CTDSPL2: variants seen among roughly 807,000 people sequenced by gnomAD.
The protein encoded by CTDSPL2 is CTD small phosphatase-like protein 2.
CTDSPL2 carries 5 observed loss-of-function variants against 60.0 expected under a neutral mutation model. The observed-to-expected ratio is 0.08, with a 90% CI of 0.04 to 0.18. The LOEUF (loss-of-function observed/expected upper bound fraction) is 0.18, where lower values mean the gene tolerates loss of function less well. Among genes scored for constraint, CTDSPL2 ranks in the 10% least tolerant of loss-of-function variants. CTDSPL2 has a pLI of 1.00. For synonymous variants in CTDSPL2, 186 were observed against 189.3 expected, an observed-to-expected ratio of 0.98 and a Z score of 0.14; for missense variants, 370 against 548.8, an observed-to-expected ratio of 0.67 and a Z score of 3.26.
At chr15:44,484,793 G>A (rs1017420800) in intron 3 of CTDSPL2, among the ~76,000 whole-genome samples, 1 of 152,036 alleles carries the variant, frequency 6.6e-6, no homozygotes, top group Non-Finnish European at 1.5e-5. Flanking sequence ...TGTAATCTTT[G>A]TATTATTAGT....
In CTDSPL2 at chr15:44,528,958, T is replaced by C. The variant is rs2081907165; in HGVS notation, c.*4784T>C. ...ATAGCCGTGAACAAGTAATGTAGAT[T>C]TAGTTTTCTCATCTTCAAATGCCCT... On this transcript the variant is annotated 3_prime_UTR_variant, in exon 13 of 13. Coordinates refer to ENST00000260327, the MANE Select transcript of CTDSPL2 (RefSeq NM_016396.3). 1 of 152,212 alleles carries C rather than the reference T, an allele frequency of 6.6e-6. No homozygotes were observed. The highest frequency in any genetic ancestry group is 1.5e-5 in the Non-Finnish European group (1 of 68,028). The allele number at this position is 152,212 out of a possible 1,614,324, so 9.4% of individuals were successfully genotyped here.
At chr15:44,481,171 A>G (rs1051033074) in intron 2 of CTDSPL2, among the ~76,000 whole-genome samples, 4 of 152,220 alleles carry the variant, frequency 2.6e-5, no homozygotes, top group African/African-American at 7.2e-5. Flanking sequence ...CCCTGTCTCT[A>G]CTGGGGGGAA....
At chr15:44,501,070 AG>A (rs1169985568) in intron 8 of CTDSPL2, among the ~76,000 whole-genome samples, 2 of 152,258 alleles carry the variant, frequency 1.3e-5, no homozygotes, top group East Asian at 3.8e-4. Flanking sequence ...GTTCTTGTTT[AG>A]TGGACTTTAA....
chr15:44,483,233 A>G (rs2081060813), intron 2 of CTDSPL2, among the ~76,000 whole-genome samples: 1 of 149,378 alleles, frequency 6.7e-6, no homozygotes, highest in African/African-American at 2.5e-5. Context: ...ACTGCACTCT[A>G]GCCTGGGTGA....
At chr15:44,428,010 C>T in intron 1 of CTDSPL2, 1 of 259,552 alleles carries the variant, frequency 3.9e-6, no homozygotes, top group Non-Finnish European at 7.2e-6. Context: ...TCTTAGGTTG[C>T]GGCCTGCGTT....
At chr15:44,499,943 C>T (rs1269048257) in intron 8 of CTDSPL2, 130 bp downstream of exon 8, 1 of 553,106 alleles carries the variant, frequency 1.8e-6, no homozygotes, top group Non-Finnish European at 3.3e-6. Flanking sequence ...ATTTCATCAA[C>T]ATTTTAATGA....
At chr15:44,510,058 T>C (rs2081539581) in intron 8 of CTDSPL2, among the ~76,000 whole-genome samples, 1 of 151,532 alleles carries the variant, frequency 6.6e-6, no homozygotes, top group Non-Finnish European at 1.5e-5. Flanking sequence ...GCATCTTGGC[T>C]CACTGCAACC....
rs528678439 is a variant in CTDSPL2 at position 44,498,466 on chromosome 15, G to C, written c.883-1261G>C. ...ATGAGCCTGGTGTTGCAAGCGTGTA[G>C]TCCCAGCTACTCGGGAGGCCGAGAG... On this transcript the variant is annotated intron_variant, in intron 7 of 12. Transcript: ENST00000260327. 3.9e-5 allele frequency among the ~76,000 whole-genome samples: 6 copies of C among 152,270 alleles called. No homozygotes were observed. The South Asian group carries it at 1.2e-3, about 32-fold the overall frequency.
intron 1 of CTDSPL2, among the ~76,000 whole-genome samples, chr15:44,430,341 GCCTATGCAGT>G (rs1345431425): frequency 6.6e-6 from 1 of 151,954 alleles, no homozygotes; most frequent in Non-Finnish European, 1.5e-5. Flanking sequence ...GAACCCCTGG[GCCTATGCAGT>G]CCTCCTGCTT....
Position 44,527,348 on chromosome 15 carries a change from T to C in CTDSPL2, c.*3174T>C, listed in dbSNP as rs577699304. 10 of 152,630 alleles carry C rather than the reference T, an allele frequency of 6.6e-5. No individual in the cohort carries two copies. Among genetic ancestry groups the C allele is most frequent in the African/African-American group, 2.4e-4 (10 of 41,582 alleles). The allele number at this position is 152,630 out of a possible 1,614,324, so 9.5% of individuals were successfully genotyped here. A position where few individuals can be genotyped will look rare whatever the true frequency, so the allele number is the denominator to read the frequency against. On this transcript the variant is annotated 3_prime_UTR_variant, in exon 13 of 13. Transcript: ENST00000260327. Reference sequence around the variant, plus strand: ...ATCTTTGGCCAATGACTTTTTCATCTAGATCTTACTTTCATTCAACCTTCT... The same window carrying C: ...ATCTTTGGCCAATGACTTTTTCATCCAGATCTTACTTTCATTCAACCTTCT...
At position 44,427,639 on chromosome 15, in the gene CTDSPL2, G is replaced by T. The variant is rs2079771315; in HGVS notation, c.-158G>T. The T allele has an allele frequency of 2.5e-6, 1 of 399,228 alleles. No homozygotes were observed. The highest frequency in any genetic ancestry group is 4.4e-6 in the Non-Finnish European group (1 of 226,230). 24.7% of individuals were successfully genotyped at this position (399,228 alleles called of 1,614,324 possible). A position where few individuals can be genotyped will look rare whatever the true frequency, so the allele number is the denominator to read the frequency against. On this transcript the variant is annotated 5_prime_UTR_variant, in exon 1 of 13. Transcript: ENST00000260327. Reference sequence around the variant, plus strand: ...CCCTGTCCGTGCGGTGCAGCAGGTCGGTAGGCGGGAAATGGCGACTGGCTG... The same window carrying T: ...CCCTGTCCGTGCGGTGCAGCAGGTCTGTAGGCGGGAAATGGCGACTGGCTG...
chr15:44,475,053 T>C (rs1281679814), intron 2 of CTDSPL2, among the ~76,000 whole-genome samples: 1 of 152,144 alleles, frequency 6.6e-6, no homozygotes, highest in Non-Finnish European at 1.5e-5. Context: ...GTAACAAAAC[T>C]CTTTGCTAAT....
chr15:44,471,420 A>G (rs2080807221), intron 2 of CTDSPL2, among the ~76,000 whole-genome samples: 1 of 152,152 alleles, frequency 6.6e-6, no homozygotes, highest in East Asian at 1.9e-4. Flanking sequence ...GCTTTTATTT[A>G]CTTATTATTT....
At chr15:44,465,696 G>A (rs935189098) in intron 2 of CTDSPL2, among the ~76,000 whole-genome samples, 5 of 149,652 alleles carry the variant, frequency 3.3e-5, no homozygotes, top group African/African-American at 1.2e-4. Flanking sequence ...TTTTATTTGG[G>A]AATTTTCCTC....
intron 1 of CTDSPL2, chr15:44,448,854 C>T (rs556271803): frequency 8.4e-5 from 33 of 393,226 alleles, no homozygotes; most frequent in African/African-American, 5.3e-4. Context: ...TCTTTACCTG[C>T]GTTGGTCTAT....
At chr15:44,468,223 A>G (rs992586088) in intron 2 of CTDSPL2, among the ~76,000 whole-genome samples, 2 of 152,028 alleles carry the variant, frequency 1.3e-5, no homozygotes, top group Non-Finnish European at 2.9e-5. Context: ...ACTGTAATTT[A>G]GTTTCTCTAA....
intron 12 of CTDSPL2, 40 bp downstream of exon 12, chr15:44,521,446 C>A: frequency 3.9e-6 from 4 of 1,034,692 alleles, no homozygotes; most frequent in Admixed American, 2.1e-5. Flanking sequence ...TTTTTGTTAG[C>A]TCAACTATAT....
chr15:44,505,652 T>C (rs1421798409), intron 8 of CTDSPL2, among the ~76,000 whole-genome samples: 6 of 150,960 alleles, frequency 4.0e-5, no homozygotes, highest in Non-Finnish European at 8.8e-5. Context: ...GAGAATTGCT[T>C]GAACCCGGGA....
chr15:44,485,180 T>A (rs1359988819), intron 3 of CTDSPL2, among the ~76,000 whole-genome samples: 1 of 152,198 alleles, frequency 6.6e-6, no homozygotes, highest in Non-Finnish European at 1.5e-5. Context: ...ATGTTAAACA[T>A]CCTACAATAC....
Sources: allele counts gnomAD v4.1 joint callset (sites outside exome capture counted in the v4.1 genomes callset), GRCh38; gene constraint gnomAD v4.1.1; transcripts MANE v1.5; gene names NCBI Gene and HGNC (gene_info 2026-07-23, HGNC 2026-07-21).